The following PPFIBP1 variants were observed in gnomAD, a reference collection of about 807,000 sequenced individuals.
PPFIBP1 encodes the protein liprin-beta-1.
A neutral mutation model predicts 137.8 loss-of-function variants in PPFIBP1; 112 were observed. The ratio of observed to expected loss-of-function variants is 0.81; its 90% CI spans 0.70 to 0.95. The LOEUF is 0.95. Among genes scored for constraint, PPFIBP1 ranks in the 40% least tolerant of loss-of-function variants. The probability of loss-of-function intolerance (pLI) is 0.00; values close to 1 mark genes in which losing one functional copy is unlikely to be tolerated. For missense variants in PPFIBP1, 1,083 were observed against 1,196.6 expected (o/e 0.91, Z 1.40); for synonymous variants, 378 against 417.3 (o/e 0.91, Z 1.15).
At chr12:27,559,868 T>C (rs905825357) in intron 1 of PPFIBP1, among the ~76,000 whole-genome samples, 23 of 152,206 alleles carry the variant, frequency 1.5e-4, no homozygotes, top group African/African-American at 5.5e-4. Flanking sequence ...TTGGGGTAAG[T>C]TGACATTTTC....
intron 12 of PPFIBP1, among the ~76,000 whole-genome samples, chr12:27,666,026 A>G (rs1420497849): frequency 6.6e-6 from 1 of 152,248 alleles, no homozygotes; most frequent in Non-Finnish European, 1.5e-5. Flanking sequence ...TAGAATTTCA[A>G]CTGTCCAATT....
intron 17 of PPFIBP1, among the ~76,000 whole-genome samples, chr12:27,674,897 C>T (rs12818261): frequency 2.0e-5 from 3 of 146,920 alleles, no homozygotes; most frequent in South Asian, 2.1e-4. Context: ...ACTGTAGCCT[C>T]GATTTCCTGG....
chr12:27,548,697 T>C (rs1946465896), intron 1 of PPFIBP1: 1 of 152,228 alleles, frequency 6.6e-6, no homozygotes, highest in Non-Finnish European at 1.5e-5. Flanking sequence ...TCCTCCATCA[T>C]CTGAGTAGTT....
At chr12:27,542,535 T>A (rs959612890) in intron 1 of PPFIBP1, among the ~76,000 whole-genome samples, 1 of 152,352 alleles carries the variant, frequency 6.6e-6, no homozygotes, top group East Asian at 1.9e-4. Flanking sequence ...GCTCATTCAT[T>A]GTAGAAGCTC....
In PPFIBP1 at chr12:27,654,798, A is replaced by C. The variant is rs950833153; in HGVS notation, c.680A>C (p.Lys227Thr). 1.2e-6 allele frequency: 2 copies of C among 1,612,358 alleles called. No homozygotes were observed. Among genetic ancestry groups the C allele is most frequent in the African/African-American group, 2.7e-5 (2 of 74,892 alleles). Residue 227 changes from lysine to threonine, a missense_variant, in exon 8 of 30, where the codon AAG becomes ACG. Physicochemically the swap from Lys to Thr is moderately conservative, Grantham distance 78. Coordinates refer to ENST00000228425, the MANE Select transcript of PPFIBP1 (RefSeq NM_003622.4). The part of the protein sequence containing the change: ...MDSERLQYEK[K>T]LKSTKDELAS... Reference sequence around the variant, plus strand: ...AGTGAGAGACTTCAGTATGAAAAAAAGCTTAAATCAACCAAAGTAAGTTTT... The same window carrying C: ...AGTGAGAGACTTCAGTATGAAAAAACGCTTAAATCAACCAAAGTAAGTTTT...
intron 1 of PPFIBP1, among the ~76,000 whole-genome samples, chr12:27,557,791 G>T (rs1293603739): frequency 1.3e-5 from 2 of 152,194 alleles, no homozygotes; most frequent in East Asian, 1.9e-4. Flanking sequence ...CCCTATAGGG[G>T]TTTTATATGA....
At chr12:27,598,717 G>A (rs2053612939) in intron 2 of PPFIBP1, among the ~76,000 whole-genome samples, 1 of 152,178 alleles carries the variant, frequency 6.6e-6, no homozygotes, top group African/African-American at 2.4e-5. Context: ...TCCTTAGGAT[G>A]CCATGCTGAG....
At chr12:27,657,033 C>T in intron 9 of PPFIBP1, 2 of 221,418 alleles carry the variant, frequency 9.0e-6, no homozygotes, top group South Asian at 1.6e-4. Flanking sequence ...GAATTTGTGC[C>T]AAAGGAGTTA....
chr12:27,672,627 TGG>T, intron 15 of PPFIBP1, 144 bp downstream of exon 15: 1 of 660,324 alleles, frequency 1.5e-6, no homozygotes, highest in Non-Finnish European at 2.6e-6. Context: ...AATAATTGGG[TGG>T]GGGTGAAGGT....
intron 19 of PPFIBP1, among the ~76,000 whole-genome samples, chr12:27,678,811 C>T (rs563713012): frequency 8.9e-5 from 12 of 135,484 alleles, no homozygotes; most frequent in African/African-American, 3.1e-4. Context: ...AAGCCGAGAT[C>T]ATGTCACTGC....
chr12:27,618,959 G>A (rs1369065481), intron 2 of PPFIBP1, among the ~76,000 whole-genome samples: 9 of 152,226 alleles, frequency 5.9e-5, no homozygotes, highest in African/African-American at 2.2e-4. Flanking sequence ...TTTTTCCTTA[G>A]CCAAGTATAA....
In PPFIBP1 at chr12:27,667,079, G is replaced by A. The variant is rs529283212; in HGVS notation, c.992-87G>A. On this transcript the variant is annotated intron_variant, in intron 12 of 29. Coordinates refer to ENST00000228425, the MANE Select transcript of PPFIBP1 (RefSeq NM_003622.4). ...GAGGATCAGAAAAAATTTTATATTC[G>A]TTATAATTGGGATTCTTATCTTCTT... 291 of 1,306,780 alleles carry A rather than the reference G, an allele frequency of 2.2e-4. 1 individual carries two copies. In the South Asian group the frequency reaches 2.9e-3, roughly 13 times the overall value. The allele number at this position is 1,306,780 out of a possible 1,614,324, so 80.9% of individuals were successfully genotyped here. A position where few individuals can be genotyped will look rare whatever the true frequency, so the allele number is the denominator to read the frequency against.
chr12:27,548,899 C>T (rs1426942512), intron 1 of PPFIBP1: 1 of 152,208 alleles, frequency 6.6e-6, no homozygotes, highest in African/African-American at 2.4e-5. Flanking sequence ...GAAGATATTA[C>T]TAACCTGTTT....
chr12:27,613,804 T>G (rs2055430528), intron 2 of PPFIBP1, among the ~76,000 whole-genome samples: 1 of 152,128 alleles, frequency 6.6e-6, no homozygotes, highest in Non-Finnish European at 1.5e-5. Flanking sequence ...TCCTGTGAGC[T>G]AGCTCTCCAG....
At chr12:27,567,293 C>A (rs188246019) in intron 1 of PPFIBP1, among the ~76,000 whole-genome samples, 1 of 152,156 alleles carries the variant, frequency 6.6e-6, no homozygotes, top group African/African-American at 2.4e-5. Flanking sequence ...ATCTATCAAC[C>A]AACCACAGTG....
At chr12:27,670,881 G>A (rs1242360494) in intron 13 of PPFIBP1, among the ~76,000 whole-genome samples, 2 of 151,694 alleles carry the variant, frequency 1.3e-5, no homozygotes, top group African/African-American at 4.8e-5. Flanking sequence ...GCAGGGGTAG[G>A]CATTGTCATT....
intron 1 of PPFIBP1, among the ~76,000 whole-genome samples, chr12:27,574,242 C>T (rs1460151850): frequency 6.6e-6 from 1 of 152,092 alleles, no homozygotes. Context: ...CTGGATAGAG[C>T]TCTTTTTGCC....
At chr12:27,636,555 G>A (rs1421100750) in intron 4 of PPFIBP1, 1 of 151,930 alleles carries the variant, frequency 6.6e-6, no homozygotes, top group Non-Finnish European at 1.5e-5. Flanking sequence ...AATAGTAGCC[G>A]AAGCGTACCT....
chr12:27,528,657 A>G (rs922288949), intron 1 of PPFIBP1, among the ~76,000 whole-genome samples: 5 of 152,230 alleles, frequency 3.3e-5, no homozygotes, highest in African/African-American at 1.2e-4. Context: ...TAATGTTTCC[A>G]GAAGCCAAGT....
Sources: allele counts gnomAD v4.1 joint callset (sites outside exome capture counted in the v4.1 genomes callset), GRCh38; gene constraint gnomAD v4.1.1; transcripts MANE v1.5; gene names NCBI Gene and HGNC (gene_info 2026-07-23, HGNC 2026-07-21).